GPR39: variants seen among roughly 807,000 people sequenced by gnomAD.
The protein encoded by GPR39 is G protein-coupled receptor 39.
A neutral mutation model predicts 18.4 loss-of-function variants in GPR39; 23 were observed. The observed-to-expected ratio is 1.25, with a 90% confidence interval of 0.90 to 1.77. The LOEUF (loss-of-function observed/expected upper bound fraction) is 1.77. Ranked by LOEUF, GPR39 falls within the 40% of genes most tolerant of loss-of-function variation. The probability of loss-of-function intolerance (pLI) is 0.00; values close to 1 mark genes in which losing one functional copy is unlikely to be tolerated. For missense variants in GPR39, 647 were observed against 602.4 expected, an observed-to-expected ratio of 1.07 and a Z score of -0.78; for synonymous variants, 280 against 257.9, an observed-to-expected ratio of 1.09 and a Z score of -0.82.
intron 1 of GPR39, among the ~76,000 whole-genome samples, chr2:132,585,492 A>G (rs1680707372): frequency 6.6e-6 from 1 of 152,112 alleles, no homozygotes; most frequent in African/African-American, 2.4e-5. Flanking sequence ...GACTGATGTG[A>G]GTTGCCCTCG....
chr2:132,463,709 G>A (rs1335944234), intron 1 of GPR39, among the ~76,000 whole-genome samples: 1 of 152,138 alleles, frequency 6.6e-6, no homozygotes, highest in Non-Finnish European at 1.5e-5. Context: ...GTTATGTATT[G>A]CTATATAACA....
chr2:132,549,079 A>G (rs978802540), intron 1 of GPR39, among the ~76,000 whole-genome samples: 6 of 152,108 alleles, frequency 3.9e-5, no homozygotes, highest in African/African-American at 1.4e-4. Flanking sequence ...TTCTCTCCTT[A>G]ATGGTGTGTC....
rs371442749 is a variant in GPR39, at chr2:132,432,324, AG to A, written c.856+14428del. On this transcript the variant is annotated intron_variant, in intron 1 of 1. Coordinates refer to ENST00000329321, the MANE Select transcript of GPR39 (RefSeq NM_001508.3). ...GCAGCTCTCTGGGACCTCATTTATA[AG>A]GACACAAACCCCATGAGGGATGTAC... 2.0e-5 allele frequency among the ~76,000 whole-genome samples: 3 copies of A among 152,312 alleles called. No homozygotes were observed. In the East Asian group the frequency reaches 5.8e-4, roughly 29 times the overall value.
intron 1 of GPR39, among the ~76,000 whole-genome samples, chr2:132,632,720 A>C (rs1488633240): frequency 1.3e-5 from 2 of 152,132 alleles, no homozygotes; most frequent in East Asian, 3.9e-4. Flanking sequence ...GCTTATTGTA[A>C]GGTTTAAATA....
chr2:132,492,256 C>T (rs35405726), intron 1 of GPR39, among the ~76,000 whole-genome samples: 2,105 of 29,022 alleles, frequency 0.073, 221 homozygotes, highest in Non-Finnish European at 0.092. Flanking sequence ...ACCATATATA[C>T]ACCATATATA....
chr2:132,609,162 A>G (rs1312404168), intron 1 of GPR39, among the ~76,000 whole-genome samples: 3 of 152,216 alleles, frequency 2.0e-5, no homozygotes, highest in East Asian at 3.9e-4. Context: ...ATGGGCCCCT[A>G]AGAGAAATCT....
intron 1 of GPR39, among the ~76,000 whole-genome samples, chr2:132,499,075 A>G (rs1177117372): frequency 6.6e-6 from 1 of 151,974 alleles, no homozygotes; most frequent in African/African-American, 2.4e-5. Flanking sequence ...AATTCCATCT[A>G]TTTATCTTTG....
intron 1 of GPR39, among the ~76,000 whole-genome samples, chr2:132,522,531 T>A (rs1186111028): frequency 6.6e-6 from 1 of 152,216 alleles, no homozygotes; most frequent in East Asian, 1.9e-4. Context: ...CAATTACCGT[T>A]TATGAAGCAG....
At chr2:132,614,182 T>TTTTTTGTTTGTTTTTGTTTTGTTTTG (rs1681286992) in intron 1 of GPR39, among the ~76,000 whole-genome samples, 1 of 151,914 alleles carries the variant, frequency 6.6e-6, no homozygotes, top group Non-Finnish European at 1.5e-5. Context: ...GCTTGCTTTT[T>TTTTTTGTTTGTTTTTGTTTTGTTTTG]TTTTTGTTTT....
chr2:132,562,503 G>A (rs1426424239), intron 1 of GPR39, among the ~76,000 whole-genome samples: 1 of 152,110 alleles, frequency 6.6e-6, no homozygotes, highest in East Asian at 1.9e-4. Flanking sequence ...CTCTGCATTT[G>A]CATGGACTCA....
chr2:132,626,168 G>A (rs1681542189), intron 1 of GPR39, among the ~76,000 whole-genome samples: 1 of 152,030 alleles, frequency 6.6e-6, no homozygotes, highest in Admixed American at 6.6e-5. Context: ...AGGTGACACT[G>A]CTGGTTAGTA....
At chr2:132,598,178 G>A (rs966317504) in intron 1 of GPR39, among the ~76,000 whole-genome samples, 1 of 152,196 alleles carries the variant, frequency 6.6e-6, no homozygotes, top group Non-Finnish European at 1.5e-5. Context: ...GCTGAGAATT[G>A]GCTCTCCTTG....
At chr2:132,604,350 A>C (rs184972610) in intron 1 of GPR39, 1 of 152,376 alleles carries the variant, frequency 6.6e-6, no homozygotes. Flanking sequence ...AGAACTGCCT[A>C]TCAGAAGCCA....
chr2:132,507,094 A>T (rs951412088), intron 1 of GPR39, among the ~76,000 whole-genome samples: 2 of 152,140 alleles, frequency 1.3e-5, no homozygotes, highest in Non-Finnish European at 2.9e-5. Context: ...GTTATGATCC[A>T]ATCACCTCTT....
intron 1 of GPR39, among the ~76,000 whole-genome samples, chr2:132,554,619 A>G (rs1215473719): frequency 3.3e-5 from 5 of 152,196 alleles, no homozygotes; most frequent in African/African-American, 1.2e-4. Context: ...CCCATCAGCA[A>G]CAAGCACTTC....
intron 1 of GPR39, among the ~76,000 whole-genome samples, chr2:132,480,459 G>A (rs947556484): frequency 3.3e-5 from 5 of 152,118 alleles, no homozygotes; most frequent in Non-Finnish European, 5.9e-5. Context: ...TAGATACAGC[G>A]GCATGGTATG....
At chr2:132,419,777 T>G (rs1269559122) in intron 1 of GPR39, among the ~76,000 whole-genome samples, 2 of 152,168 alleles carry the variant, frequency 1.3e-5, no homozygotes, top group Non-Finnish European at 2.9e-5. Context: ...CATGAGTGGA[T>G]AAGAATTAGG....
intron 1 of GPR39, among the ~76,000 whole-genome samples, chr2:132,460,096 A>T (rs4954328): frequency 0.24 from 36,574 of 152,126 alleles, 4,459 homozygotes; most frequent in Middle Eastern, 0.38. Flanking sequence ...TTTGAAAAAC[A>T]AACAAATGAA....
At chr2:132,644,689 C>CAA (rs1425911358) in intron 1 of GPR39, among the ~76,000 whole-genome samples, 3 of 151,906 alleles carry the variant, frequency 2.0e-5, no homozygotes, top group Non-Finnish European at 4.4e-5. Flanking sequence ...AAAATACAAA[C>CAA]ACTGCTTTAT....
Sources: gnomAD v4.1 joint callset for allele counts (sites outside exome capture counted in the v4.1 genomes callset) on GRCh38, gnomAD v4.1.1 for gene constraint, MANE v1.5 for transcripts, NCBI Gene and HGNC (gene_info 2026-07-23, HGNC 2026-07-21) for gene names.